ACO1: variants seen among roughly 807,000 people sequenced by gnomAD.
ACO1 encodes aconitase 1.
Under a neutral mutation model 105.1 loss-of-function variants are expected in ACO1, and 78 were observed. The ratio of observed to expected loss-of-function variants is 0.74; its 90% CI spans 0.62 to 0.90. The LOEUF is 0.90. ACO1 is among the 40% of genes least tolerant of loss of function. The pLI is 0.00. For synonymous variants in ACO1, 364 were observed against 397.4 expected, an observed-to-expected ratio of 0.92 and a Z score of 1.00; for missense variants, 965 against 1,111.1, an observed-to-expected ratio of 0.87 and a Z score of 1.87.
At chr9:32,446,699 G>T (rs914661499) in intron 19 of ACO1, among the ~76,000 whole-genome samples, 1 of 152,134 alleles carries the variant, frequency 6.6e-6, no homozygotes, top group African/African-American at 2.4e-5. Context: ...TTACAATTTG[G>T]TATGTTTCTG....
At chr9:32,431,694 T>C (rs1822239936) in intron 14 of ACO1, 25 bp from the exon 15 acceptor site, 4 of 1,613,300 alleles carry the variant, frequency 2.5e-6, no homozygotes, top group Non-Finnish European at 2.5e-6. Flanking sequence ...GAAAGTTTTC[T>C]CATTAATAAA....
At chr9:32,399,964 C>CTTTTTTTTTTTTTTTTTTTTTT (rs1300474052) in intron 1 of ACO1, among the ~76,000 whole-genome samples, 2 of 42,412 alleles carry the variant, frequency 4.7e-5, no homozygotes, top group Non-Finnish European at 9.9e-5. Flanking sequence ...TTTTCTTTTT[C>CTTTTTTTTTTTTTTTTTTTTTT]TGTTTTTTTT....
intron 19 of ACO1, among the ~76,000 whole-genome samples, chr9:32,447,167 A>G (rs144059341): frequency 0.022 from 3,417 of 152,232 alleles, 130 homozygotes; most frequent in African/African-American, 0.079. Context: ...ATGTTTTCCA[A>G]CTTGGTTTCA....
intron 4 of ACO1, among the ~76,000 whole-genome samples, chr9:32,415,967 T>TGGGTTGTAGACC (rs1319103152): frequency 1.3e-5 from 2 of 152,158 alleles, no homozygotes; most frequent in Non-Finnish European, 2.9e-5. Context: ...GCCCATGGGC[T>TGGGTTGTAGACC]GGGTTGTAGA....
rs57615512 is a variant in ACO1, at chr9:32,399,966, G to GTTTTTTTT, written c.-22-5504_-22-5497dup. On this transcript the variant is annotated intron_variant, in intron 1 of 20. Coordinates refer to ENST00000309951, the MANE Select transcript of ACO1 (RefSeq NM_002197.3). The stretch of plus-strand genomic sequence containing the variant: ...ATTTCTTTTATTTTTTTCTTTTTCT[G>GTTTTTTTT]TTTTTTTTTTTTTTTTTTTTTTGCG... Among the ~76,000 whole-genome samples the GTTTTTTTT allele has an allele frequency of 1.3e-3, 90 of 69,816 alleles. 9 individuals are homozygous for GTTTTTTTT. The highest frequency in any genetic ancestry group is 2.3e-3 in the African/African-American group (38 of 16,316). The allele number at this position is 69,816 out of a possible 152,430, so 45.8% of individuals were successfully genotyped here.
At chr9:32,405,291 T>A (rs1171317253) in intron 1 of ACO1, among the ~76,000 whole-genome samples, 194 bp from the exon 2 acceptor site, 1 of 152,236 alleles carries the variant, frequency 6.6e-6, no homozygotes, top group East Asian at 1.9e-4. Flanking sequence ...TACCAGACTT[T>A]GGACAGAGGA....
At chr9:32,444,168 G>A (rs1033669355) in intron 19 of ACO1, among the ~76,000 whole-genome samples, 2 of 152,128 alleles carry the variant, frequency 1.3e-5, no homozygotes, top group Admixed American at 6.5e-5. Flanking sequence ...TTTTATGGCT[G>A]CATAGTATTC....
In ACO1 at chr9:32,450,048, G is replaced by C. The variant is rs1822723291; in HGVS notation, c.2607G>C (p.Val869=). ...CTGTCATGAGGTTTGACACTGATGT[G>C]GAGCTCACTTATTTCCTCAACGGGG... The part of the protein sequence containing the change: ...FQAVMRFDTD[V]ELTYFLNGGI... Residue 869 remains valine (V), a synonymous_variant, in exon 21 of 21, where the codon GTG becomes GTC. Coordinates refer to ENST00000309951, the MANE Select transcript of ACO1 (RefSeq NM_002197.3). 1 of 1,614,120 alleles carries C rather than the reference G, an allele frequency of 6.2e-7. No homozygotes were observed. The highest frequency in any genetic ancestry group is 8.5e-7 in the Non-Finnish European group (1 of 1,180,034).
At position 32,419,022 on chromosome 9, in the gene ACO1, A is replaced by G; in HGVS notation, c.659-16A>G. 3.2e-6 allele frequency: 5 copies of G among 1,577,034 alleles called. No homozygotes were observed. Among genetic ancestry groups the G allele is most frequent in the South Asian group, 1.2e-5 (1 of 86,068 alleles). On this transcript the variant is annotated splice_polypyrimidine_tract_variant and intron_variant, in intron 6 of 20. Transcript: ENST00000309951. ...GGGTAATGAAGGCATTCTTCCGGTC[A>G]TGCCGTTCATTGCAGGTGTCGGTGG...
intron 7 of ACO1, 95 bp from the exon 8 acceptor site, chr9:32,420,761 G>C: frequency 7.4e-7 from 1 of 1,353,142 alleles, no homozygotes; most frequent in Non-Finnish European, 1.0e-6. Context: ...TGGGTTTACT[G>C]ACAAGACTAG....
At chr9:32,405,649 G>T in intron 2 of ACO1, 46 bp downstream of exon 2, 1 of 1,338,668 alleles carries the variant, frequency 7.5e-7, no homozygotes, top group Non-Finnish European at 1.1e-6. Context: ...TTTGCACAAT[G>T]ATTAGGCTAT....
intron 19 of ACO1, among the ~76,000 whole-genome samples, chr9:32,447,135 C>T (rs1822631475): frequency 6.6e-6 from 1 of 152,178 alleles, no homozygotes; most frequent in African/African-American, 2.4e-5. Flanking sequence ...TGGGGAAGTT[C>T]TCCTGGATAA....
intron 12 of ACO1, among the ~76,000 whole-genome samples, chr9:32,429,216 A>G (rs116586731): frequency 0.014 from 2,202 of 152,282 alleles, 50 homozygotes; most frequent in African/African-American, 0.051. Context: ...TCCTTTTTAT[A>G]AGTTAAAAAT....
At chr9:32,436,006 T>A (rs1175500251) in intron 17 of ACO1, 2 of 655,726 alleles carry the variant, frequency 3.1e-6, no homozygotes, top group East Asian at 6.1e-5. Context: ...CTAACCAGAT[T>A]TGAAAGACAA....
intron 8 of ACO1, among the ~76,000 whole-genome samples, chr9:32,422,372 A>G (rs1363620518): frequency 6.6e-6 from 1 of 152,246 alleles, no homozygotes; most frequent in Admixed American, 6.5e-5. Flanking sequence ...CGGGCTCAAC[A>G]ACAGGTCAGG....
intron 12 of ACO1, 38 bp from the exon 13 acceptor site, chr9:32,429,381 C>CT (rs1170254851): frequency 1.3e-6 from 2 of 1,596,236 alleles, no homozygotes; most frequent in Non-Finnish European, 1.7e-6. Context: ...GAAAGTTATT[C>CT]TTTTTTTGTG....
At chr9:32,411,050 C>T (rs1821727187) in intron 4 of ACO1, among the ~76,000 whole-genome samples, 1 of 152,038 alleles carries the variant, frequency 6.6e-6, no homozygotes, top group African/African-American at 2.4e-5. Flanking sequence ...CACACAGTAT[C>T]TCTAAGGCCT....
In ACO1 at chr9:32,424,687, T is replaced by C. The variant is rs947775422; in HGVS notation, c.1188+22T>C. 14 of 1,515,654 alleles carry C rather than the reference T, an allele frequency of 9.2e-6. No individual in the cohort carries two copies. The African/African-American group carries it at 1.1e-4, about 12-fold the overall frequency. The allele number at this position is 1,515,654 out of a possible 1,614,324, so 93.9% of individuals were successfully genotyped here. ...CAAGGTAGGGGCCTGCGGGAAGAGG[T>C]TGAATCCTCTCAACTCTACCTCTTG... On this transcript the variant is annotated intron_variant, in intron 10 of 20. Transcript: ENST00000309951.
chr9:32,430,959 C>T (rs1219352095), intron 14 of ACO1, among the ~76,000 whole-genome samples: 1 of 152,146 alleles, frequency 6.6e-6, no homozygotes, highest in Non-Finnish European at 1.5e-5. Flanking sequence ...TTCCTTTCCC[C>T]AGATCAGCTT....
Sources: gnomAD v4.1 joint callset for allele counts (sites outside exome capture counted in the v4.1 genomes callset) on GRCh38, gnomAD v4.1.1 for gene constraint, MANE v1.5 for transcripts, NCBI Gene and HGNC (gene_info 2026-07-23, HGNC 2026-07-21) for gene names.